UNC13C: variants seen among roughly 807,000 people sequenced by gnomAD.
UNC13C encodes the protein protein unc-13 homolog C.
UNC13C carries 174 observed loss-of-function variants against 245.4 expected under a neutral mutation model. That is an observed-to-expected ratio of 0.71 (90% CI 0.63 to 0.80). The LOEUF is 0.80. Among genes scored for constraint, UNC13C ranks in the 30% least tolerant of loss-of-function variants. UNC13C has a pLI of 0.00. For missense variants in UNC13C, 2,829 were observed against 2,602.9 expected, an observed-to-expected ratio of 1.09 and a Z score of -1.89; for synonymous variants, 992 against 895.1, an observed-to-expected ratio of 1.11 and a Z score of -1.93.
intron 13 of UNC13C, among the ~76,000 whole-genome samples, chr15:54,314,086 A>G (rs1205154029): frequency 1.3e-5 from 2 of 151,242 alleles, no homozygotes; most frequent in East Asian, 3.9e-4. Context: ...AAAAAAAAAC[A>G]AAACAAAACT....
At chr15:54,551,884 T>C (rs77964001) in intron 28 of UNC13C, among the ~76,000 whole-genome samples, 8,983 of 151,946 alleles carry the variant, frequency 0.059, 379 homozygotes, top group Admixed American at 0.13. Context: ...CTTCAAATTG[T>C]ATAAAACTAT....
At chr15:54,359,829 C>A (rs1378586841) in intron 17 of UNC13C, among the ~76,000 whole-genome samples, 1 of 151,584 alleles carries the variant, frequency 6.6e-6, no homozygotes. Flanking sequence ...TTTTTAAAAT[C>A]TCTATTTTAT....
At chr15:54,433,744 T>G (rs977008070) in intron 19 of UNC13C, among the ~76,000 whole-genome samples, 1 of 151,704 alleles carries the variant, frequency 6.6e-6, no homozygotes, top group African/African-American at 2.4e-5. Flanking sequence ...GGCAATCAGA[T>G]ACGAGAAAGA....
At chr15:54,059,978 A>G (rs1897734242) in intron 2 of UNC13C, among the ~76,000 whole-genome samples, 1 of 152,238 alleles carries the variant, frequency 6.6e-6, no homozygotes, top group African/African-American at 2.4e-5. Flanking sequence ...AAGATGGATT[A>G]AAGACTTACA....
intron 4 of UNC13C, among the ~76,000 whole-genome samples, chr15:54,189,665 A>T (rs937061157): frequency 2.6e-5 from 4 of 152,200 alleles, no homozygotes; most frequent in African/African-American, 9.6e-5. Flanking sequence ...TGGAAACAAG[A>T]TAATTAAGAT....
At chr15:53,867,911 G>A in the UNC13C span, among the ~76,000 whole-genome samples, 1 of 152,080 alleles carries the variant, frequency 6.6e-6, no homozygotes, top group East Asian at 1.9e-4. Flanking sequence ...CCTCACTGCA[G>A]CCTGGATCTC....
At chr15:53,924,287 T>C in the UNC13C span, among the ~76,000 whole-genome samples, 1 of 152,224 alleles carries the variant, frequency 6.6e-6, no homozygotes, top group Non-Finnish European at 1.5e-5. Flanking sequence ...AGACTAGATT[T>C]GTTTCCGGTG....
At chr15:54,175,023 C>G (rs1360504723) in intron 4 of UNC13C, among the ~76,000 whole-genome samples, 1 of 152,166 alleles carries the variant, frequency 6.6e-6, no homozygotes, top group Non-Finnish European at 1.5e-5. Flanking sequence ...CCTAAGCATG[C>G]TATCCCAGTG....
At chr15:53,905,399 T>TACACACAC in the UNC13C span, among the ~76,000 whole-genome samples, 8,310 of 123,490 alleles carry the variant, frequency 0.067, 270 homozygotes, top group Middle Eastern at 0.11. Context: ...TATTACTTTA[T>TACACACAC]ACACACACAC....
the UNC13C span, among the ~76,000 whole-genome samples, chr15:53,933,243 A>G: frequency 6.6e-6 from 1 of 152,184 alleles, no homozygotes; most frequent in East Asian, 1.9e-4. Flanking sequence ...ACTTTTTAAT[A>G]CAAAAATCTT....
Position 54,555,510 on chromosome 15 carries a change from A to G in UNC13C, c.5956A>G (p.Lys1986Glu). 6.2e-7 allele frequency: 1 copy of G among 1,610,700 alleles called. No homozygotes were observed. Among genetic ancestry groups the G allele is most frequent in the Non-Finnish European group, 8.5e-7 (1 of 1,178,004 alleles). The change falls in exon 29 of 33, where the codon AAG becomes GAG. Residue 1986 changes from lysine (K) to glutamate (E), a missense_variant and splice_region_variant. Physicochemically the swap from Lys to Glu is moderately conservative, Grantham distance 56 (BLOSUM62 1). Transcript: ENST00000260323. ...AATGGAGGTAGTCCTGGCTACCATC[A>G]AGGTGAGATTATAATGCTCCTATAT... ...AIMEVVLATI[K>E]QYFHAGGNGL...
rs79746264 is a variant in UNC13C at position 54,402,954 on chromosome 15, A to T, written c.4847+9773A>T. Among the ~76,000 whole-genome samples the T allele has an allele frequency of 2.1e-3, 327 of 152,292 alleles. 2 individuals carry two copies. The highest frequency in any genetic ancestry group is 3.4e-3 in the Middle Eastern group (1 of 294). On this transcript the variant is annotated intron_variant, in intron 18 of 32. Transcript: ENST00000260323. ...ACTTAATTCATGAGACCATATCAGGATTTGTAGAGATAATGCACAGAAAGC... is the reference window on the plus strand; with the variant it reads ...ACTTAATTCATGAGACCATATCAGGTTTTGTAGAGATAATGCACAGAAAGC...
intron 19 of UNC13C, among the ~76,000 whole-genome samples, chr15:54,440,134 T>C (rs990867094): frequency 2.0e-5 from 3 of 151,952 alleles, no homozygotes; most frequent in Non-Finnish European, 1.5e-5. Context: ...CAAGGTCTGA[T>C]AGCTTTATAA....
intron 1 of UNC13C, among the ~76,000 whole-genome samples, chr15:54,008,794 G>A (rs73415045): frequency 0.015 from 2,265 of 152,224 alleles, 66 homozygotes; most frequent in African/African-American, 0.052. Context: ...TTCACTTTAC[G>A]TACAAATGAT....
At chr15:54,143,707 A>C in intron 4 of UNC13C, 23 bp downstream of exon 4, 1 of 1,594,626 alleles carries the variant, frequency 6.3e-7, no homozygotes, top group Non-Finnish European at 8.6e-7. Flanking sequence ...ATACCTTTCT[A>C]ATTTATTCCA....
chr15:54,065,015 T>C (rs1232155807), intron 2 of UNC13C, among the ~76,000 whole-genome samples: 1 of 152,210 alleles, frequency 6.6e-6, no homozygotes, highest in Non-Finnish European at 1.5e-5. Context: ...TTAAGATTCA[T>C]TCACCCCAAT....
intron 2 of UNC13C, among the ~76,000 whole-genome samples, chr15:54,133,319 A>G (rs1268838073): frequency 6.6e-6 from 1 of 152,202 alleles, no homozygotes; most frequent in East Asian, 1.9e-4. Flanking sequence ...CACAGGAGAC[A>G]CACATATATT....
At chr15:54,249,223 T>C (rs2036075911) in intron 7 of UNC13C, among the ~76,000 whole-genome samples, 1 of 119,542 alleles carries the variant, frequency 8.4e-6, no homozygotes, top group Admixed American at 8.6e-5. Context: ...TGTTTATTGT[T>C]GTTGGTGGTT....
chr15:54,109,722 C>T (rs1040580497), intron 2 of UNC13C, among the ~76,000 whole-genome samples: 3 of 152,116 alleles, frequency 2.0e-5, no homozygotes, highest in African/African-American at 7.2e-5. Context: ...AAACCCTATA[C>T]ACATGGTAAT....
Sources: allele counts gnomAD v4.1 joint callset (sites outside exome capture counted in the v4.1 genomes callset), GRCh38; gene constraint gnomAD v4.1.1; transcripts MANE v1.5; gene names NCBI Gene and HGNC (gene_info 2026-07-23, HGNC 2026-07-21).